SH3KBP1: variants seen among roughly 807,000 people sequenced by gnomAD.
SH3KBP1 encodes the protein SH3 domain-containing kinase-binding protein 1.
SH3KBP1 carries 8 observed loss-of-function variants against 50.1 expected under a neutral mutation model. The ratio of observed to expected loss-of-function variants is 0.16; its 90% confidence interval spans 0.09 to 0.29. The LOEUF (loss-of-function observed/expected upper bound fraction) is 0.29, where lower values mean the gene tolerates loss of function less well. SH3KBP1 is among the 10% of genes least tolerant of loss of function. SH3KBP1 has a pLI of 1.00. For synonymous variants in SH3KBP1, 227 were observed against 218.6 expected, an observed-to-expected ratio of 1.04 and a Z score of -0.34; for missense variants, 377 against 535.2, an observed-to-expected ratio of 0.70 and a Z score of 2.92.
intron 1 of SH3KBP1, among the ~76,000 whole-genome samples, chrX:19,877,916 G>A (rs1321679206): frequency 8.9e-6 from 1 of 112,221 alleles, no homozygotes; most frequent in African/African-American, 3.2e-5. Context: ...CACTTCCGTG[G>A]CCACAGAAAG....
chrX:19,622,417 C>A, intron 8 of SH3KBP1, among the ~76,000 whole-genome samples: 1 of 112,157 alleles, frequency 8.9e-6, no homozygotes, highest in Non-Finnish European at 1.9e-5. Context: ...TCAATATGCC[C>A]TCAAAATGCA....
chrX:19,828,269 T>A lies in SH3KBP1; in HGVS notation c.162+7856A>T, dbSNP rs891862300. ...ATTCCTTTTTCCACTGAGGTTTTTT[T>A]TTTTTCCACTGAGTTCCTCATATCC... On this transcript the variant is annotated intron_variant, in intron 2 of 17. Coordinates refer to ENST00000397821, the MANE Select transcript of SH3KBP1 (RefSeq NM_031892.3). Among the ~76,000 whole-genome samples the A allele has an allele frequency of 4.5e-5, 5 of 111,642 alleles. No individual in the cohort carries two copies. The East Asian group carries it at 1.1e-3, about 25-fold the overall frequency.
chrX:19,820,734 T>C (rs746833003), intron 2 of SH3KBP1, among the ~76,000 whole-genome samples: 9 of 111,365 alleles, frequency 8.1e-5, no homozygotes, highest in Non-Finnish European at 1.5e-4. Context: ...GTATTATTTG[T>C]TTTCTGTTTG....
intron 1 of SH3KBP1, among the ~76,000 whole-genome samples, chrX:19,840,921 C>T (rs2068200014): frequency 8.9e-6 from 1 of 112,168 alleles, no homozygotes; most frequent in Non-Finnish European, 1.9e-5. Flanking sequence ...AAGTTTGCTA[C>T]ATCTACAGTC....
At chrX:19,762,422 A>T (rs745507894) in intron 2 of SH3KBP1, among the ~76,000 whole-genome samples, 1 of 110,397 alleles carries the variant, frequency 9.1e-6, no homozygotes, top group African/African-American at 3.3e-5. Context: ...GGTATTTTGC[A>T]GACCCTCTAC....
chrX:19,751,884 C>T (rs1257380992), intron 2 of SH3KBP1, among the ~76,000 whole-genome samples: 3 of 112,179 alleles, frequency 2.7e-5, no homozygotes, highest in African/African-American at 6.5e-5. Flanking sequence ...CATGCAACTG[C>T]GAGCTATGCT....
intron 2 of SH3KBP1, among the ~76,000 whole-genome samples, chrX:19,793,609 T>C (rs773120008): frequency 3.6e-5 from 4 of 111,015 alleles, no homozygotes; most frequent in African/African-American, 6.6e-5. Context: ...TGAATGCTAT[T>C]ATCATTCTAG....
chrX:19,861,203 C>T (rs1353881619), intron 1 of SH3KBP1, among the ~76,000 whole-genome samples: 2 of 109,136 alleles, frequency 1.8e-5, no homozygotes, highest in African/African-American at 3.3e-5. Flanking sequence ...GGTGAAACCC[C>T]GTCTCTACTA....
At chrX:19,810,279 C>T (rs1006789827) in intron 2 of SH3KBP1, among the ~76,000 whole-genome samples, 1 of 112,493 alleles carries the variant, frequency 8.9e-6, no homozygotes, top group Admixed American at 9.4e-5. Context: ...TATACTTTAA[C>T]ATTCACTTGT....
chrX:19,707,943 G>A (rs920781296), intron 3 of SH3KBP1, among the ~76,000 whole-genome samples: 5 of 112,923 alleles, frequency 4.4e-5, no homozygotes, highest in African/African-American at 9.7e-5. Context: ...GAAGTTTGTC[G>A]TTCATGGCTG....
chrX:19,866,136 A>G (rs2068900732), intron 1 of SH3KBP1, among the ~76,000 whole-genome samples: 1 of 111,471 alleles, frequency 9.0e-6, no homozygotes, highest in Admixed American at 9.5e-5. Flanking sequence ...AGAAATGAGC[A>G]CTCTGGCTCC....
chrX:19,667,686 A>G (rs921391872), intron 6 of SH3KBP1, among the ~76,000 whole-genome samples: 20 of 111,291 alleles, frequency 1.8e-4, no homozygotes, highest in Non-Finnish European at 2.1e-4. Context: ...TGTTAAATAT[A>G]TTTTACAACA....
At chrX:19,821,444 T>G (rs941470440) in intron 2 of SH3KBP1, among the ~76,000 whole-genome samples, 1 of 111,934 alleles carries the variant, frequency 8.9e-6, no homozygotes, top group South Asian at 3.7e-4. Context: ...TGGCCTACTA[T>G]ACATACTCCC....
In SH3KBP1 at chrX:19,743,392, G is replaced by C. The variant is rs751796561; in HGVS notation, c.286+2926C>G. ...CCACTGCACTCCAGCCTGGATGTCA[G>C]AGTGAGAGCCTGGGTGTCAGAGTGA... On this transcript the variant is annotated intron_variant, in intron 3 of 17. Transcript: ENST00000397821. 2.7e-5 allele frequency among the ~76,000 whole-genome samples: 3 copies of C among 109,699 alleles called. No homozygotes were observed. In the South Asian group the frequency reaches 1.2e-3, roughly 44 times the overall value.
intron 13 of SH3KBP1, among the ~76,000 whole-genome samples, chrX:19,562,385 T>C (rs2065708048): frequency 1.8e-5 from 2 of 111,246 alleles, no homozygotes; most frequent in Admixed American, 9.6e-5. Flanking sequence ...ATGTGAGATC[T>C]GAGAGCTGAA....
chrX:19,609,008 T>G (rs2067327224), intron 8 of SH3KBP1, among the ~76,000 whole-genome samples: 1 of 112,691 alleles, frequency 8.9e-6, no homozygotes, highest in Admixed American at 9.3e-5. Flanking sequence ...ATCAAACATT[T>G]ATCAAGCATC....
chrX:19,765,326 G>C (rs2065570848), intron 2 of SH3KBP1, among the ~76,000 whole-genome samples: 1 of 111,023 alleles, frequency 9.0e-6, no homozygotes, highest in Non-Finnish European at 1.9e-5. Context: ...GTCTTACTGG[G>C]CTAAAATGGA....
chrX:19,537,065 G>A (rs950158344), intron 17 of SH3KBP1, among the ~76,000 whole-genome samples: 3 of 111,821 alleles, frequency 2.7e-5, no homozygotes, highest in Admixed American at 9.5e-5. Context: ...AAATGCCCCC[G>A]AACATGGACA....
intron 6 of SH3KBP1, among the ~76,000 whole-genome samples, chrX:19,653,931 C>G (rs1471829274): frequency 1.8e-5 from 2 of 110,460 alleles, no homozygotes; most frequent in Non-Finnish European, 3.8e-5. Flanking sequence ...CTTCAACTCT[C>G]AAGACTAATG....
Sources: gnomAD v4.1 joint callset for allele counts (sites outside exome capture counted in the v4.1 genomes callset) on GRCh38, gnomAD v4.1.1 for gene constraint, MANE v1.5 for transcripts, NCBI Gene and HGNC (gene_info 2026-07-23, HGNC 2026-07-21) for gene names.